Variants in AJAP1 observed in about 807,000 individuals in gnomAD.
AJAP1 encodes the protein adherens junction-associated protein 1.
AJAP1 carries 5 observed loss-of-function variants against 35.0 expected under a neutral mutation model. The ratio of observed to expected loss-of-function variants is 0.14; its 90% CI spans 0.07 to 0.30. The LOEUF is 0.30. Among genes scored for constraint, AJAP1 ranks in the 10% least tolerant of loss-of-function variants. The pLI, the probability that AJAP1 is intolerant of heterozygous loss-of-function variation, is 1.00. For missense variants in AJAP1, 586 were observed against 571.0 expected (o/e 1.03, Z -0.27); for synonymous variants, 284 against 249.3 (o/e 1.14, Z -1.31).
chr1:4,705,214 T>C (rs1640073750), intron 1 of AJAP1, among the ~76,000 whole-genome samples: 1 of 151,936 alleles, frequency 6.6e-6, no homozygotes, highest in South Asian at 2.1e-4. Context: ...ATCCCTTCCT[T>C]ACACCTTATA....
Position 4,655,365 on chromosome 1 carries a change from G to A in AJAP1, c.-61G>A, listed in dbSNP as rs1189220888. 14 of 1,478,162 alleles carry A rather than the reference G, an allele frequency of 9.5e-6. No individual in the cohort carries two copies. Among genetic ancestry groups the A allele is most frequent in the South Asian group, 1.3e-5 (1 of 78,106 alleles). 91.6% of individuals were successfully genotyped at this position (1,478,162 alleles called of 1,614,324 possible). A position where few individuals can be genotyped will look rare whatever the true frequency, so the allele number is the denominator to read the frequency against. ...CCGCGGGACGGAAGCGAGCGGGCGC[G>A]GGCGCCGCGCAGATGGCCTGGGCGA... On this transcript the variant is annotated 5_prime_UTR_variant, in exon 1 of 6. Transcript: ENST00000378191. The surrounding 1 kb of genome is among the most constrained non-coding windows in gnomAD (Gnocchi z 6.9).
Position 4,712,522 on chromosome 1 carries a change from G to GCCA in AJAP1, c.672_674dup (p.Thr225dup), listed in dbSNP as rs529940202. The stretch of plus-strand genomic sequence containing the variant: ...ACAAACACGGAAGACAACTGTGGCC[G>GCCA]CCACCACCACCACCACCACCACGGC... On this transcript the variant is annotated inframe_insertion, in exon 2 of 6. Transcript: ENST00000378191. 7,270 of 1,609,944 alleles carry GCCA rather than the reference G, an allele frequency of 4.5e-3. 20 individuals carry two copies. Among genetic ancestry groups the GCCA allele is most frequent in the Non-Finnish European group, 5.4e-3 (6,360 of 1,178,154 alleles).
intron 1 of AJAP1, among the ~76,000 whole-genome samples, chr1:4,697,021 ATGG>A (rs1285709193): frequency 6.6e-6 from 1 of 150,570 alleles, no homozygotes; most frequent in Non-Finnish European, 1.5e-5. Flanking sequence ...CTACGCACAC[ATGG>A]TGTGTGTGTG....
rs554493475 is a variant in AJAP1 at position 4,655,341 on chromosome 1, C to A, written c.-85C>A. 5.1e-3 allele frequency: 6,636 copies of A among 1,307,400 alleles called. 31 individuals are homozygous for A. The highest frequency in any genetic ancestry group is 6.2e-3 in the Non-Finnish European group (6,163 of 994,052). 81.0% of individuals were successfully genotyped at this position (1,307,400 alleles called of 1,614,324 possible). A position where few individuals can be genotyped will look rare whatever the true frequency, so the allele number is the denominator to read the frequency against. On this transcript the variant is annotated 5_prime_UTR_variant, in exon 1 of 6. Transcript: ENST00000378191. The surrounding 1 kb of genome is among the most constrained non-coding windows in gnomAD (Gnocchi z 6.9). The stretch of plus-strand genomic sequence containing the variant: ...CGGACCGAGAGCCGGAGACCGGCGC[C>A]GCGGGACGGAAGCGAGCGGGCGCGG...
intron 5 of AJAP1, chr1:4,777,621 A>G (rs1641964745): frequency 1.3e-5 from 2 of 152,374 alleles, no homozygotes; most frequent in South Asian, 2.1e-4. Context: ...TACAGCAGGT[A>G]CACTTCAGCA....
chr1:4,791,347 CAT>C lies in AJAP1; in HGVS notation c.*8863_*8864del, dbSNP rs1487211190. 1 of 152,210 alleles carries C rather than the reference CAT, an allele frequency of 6.6e-6. No homozygotes were observed. Among genetic ancestry groups the C allele is most frequent in the Non-Finnish European group, 1.5e-5 (1 of 68,038 alleles). The allele number at this position is 152,210 out of a possible 1,614,324, so 9.4% of individuals were successfully genotyped here. ...TTACATTATTTTCTCAAAAGGAACA[CAT>C]GTTTACTACAAACCATTTAGAAAAT... On this transcript the variant is annotated 3_prime_UTR_variant, in exon 6 of 6. Coordinates refer to ENST00000378191, the MANE Select transcript of AJAP1 (RefSeq NM_018836.4).
At chr1:4,706,579 T>G (rs914840206) in intron 1 of AJAP1, among the ~76,000 whole-genome samples, 3 of 152,138 alleles carry the variant, frequency 2.0e-5, no homozygotes, top group African/African-American at 7.2e-5. Context: ...ACCCTGAAGA[T>G]TCTGGGCTGT....
intron 5 of AJAP1, among the ~76,000 whole-genome samples, chr1:4,778,103 G>A (rs556322695): frequency 2.0e-5 from 3 of 152,020 alleles, no homozygotes; most frequent in Admixed American, 1.3e-4. Flanking sequence ...CACCCAGTGC[G>A]CCACTGCGTA....
chr1:4,701,181 C>G (rs553397879), intron 1 of AJAP1, among the ~76,000 whole-genome samples: 1 of 152,184 alleles, frequency 6.6e-6, no homozygotes, highest in Non-Finnish European at 1.5e-5. Flanking sequence ...CTCCAGAGCT[C>G]CTGGGGAAAG....
At chr1:4,691,609 C>G (rs543901686) in intron 1 of AJAP1, among the ~76,000 whole-genome samples, 1 of 152,236 alleles carries the variant, frequency 6.6e-6, no homozygotes, top group East Asian at 1.9e-4. Context: ...ACTCCGGGCT[C>G]GGGGAACACC....
At chr1:4,732,433 C>A (rs1640821527) in intron 2 of AJAP1, among the ~76,000 whole-genome samples, 1 of 152,288 alleles carries the variant, frequency 6.6e-6, no homozygotes, top group South Asian at 2.1e-4. Flanking sequence ...GACCTCCAAG[C>A]TACCCTGCCC....
At chr1:4,684,371 G>T (rs1305624437) in intron 1 of AJAP1, among the ~76,000 whole-genome samples, 1 of 152,162 alleles carries the variant, frequency 6.6e-6, no homozygotes, top group African/African-American at 2.4e-5. Flanking sequence ...CTAGGAAGCT[G>T]CACATCGGCC....
At chr1:4,701,489 C>A (rs1367881518) in intron 1 of AJAP1, among the ~76,000 whole-genome samples, 1 of 152,194 alleles carries the variant, frequency 6.6e-6, no homozygotes, top group Non-Finnish European at 1.5e-5. Context: ...GGAGATGAGA[C>A]CATCGTTCCT....
chr1:4,670,628 T>G (rs916586062), intron 1 of AJAP1, among the ~76,000 whole-genome samples: 2 of 152,214 alleles, frequency 1.3e-5, no homozygotes, highest in African/African-American at 4.8e-5. Flanking sequence ...GCTGGATCCC[T>G]GCAAACTGCC....
intron 1 of AJAP1, 81 bp from the exon 2 acceptor site, chr1:4,711,819 G>T (rs1393733510): frequency 8.9e-7 from 1 of 1,119,950 alleles, no homozygotes; most frequent in Non-Finnish European, 1.2e-6. Flanking sequence ...CACAGCGCGG[G>T]GTGGAGAGAG....
intron 1 of AJAP1, among the ~76,000 whole-genome samples, chr1:4,700,282 G>T (rs541205663): frequency 2.0e-5 from 3 of 152,130 alleles, no homozygotes; most frequent in African/African-American, 7.2e-5. Flanking sequence ...AGGTTTGAGG[G>T]AGGCCCTGGG....
chr1:4,757,519 A>G (rs1239516742), intron 2 of AJAP1, among the ~76,000 whole-genome samples: 2 of 152,228 alleles, frequency 1.3e-5, no homozygotes, highest in Non-Finnish European at 2.9e-5. Context: ...ACTGCAAAGC[A>G]TCCTGGCATG....
At chr1:4,704,799 C>A (rs1376350120) in intron 1 of AJAP1, among the ~76,000 whole-genome samples, 1 of 152,162 alleles carries the variant, frequency 6.6e-6, no homozygotes, top group Admixed American at 6.5e-5. Flanking sequence ...CCTATTTCTC[C>A]ACATCCTCTC....
intron 1 of AJAP1, among the ~76,000 whole-genome samples, chr1:4,707,825 GT>G (rs570382529): frequency 2.7e-4 from 41 of 151,974 alleles, no homozygotes; most frequent in African/African-American, 9.9e-4. Context: ...TTGCCAAACT[GT>G]TTTGCCCAGA....
Sources: gnomAD v4.1 joint callset for allele counts (sites outside exome capture counted in the v4.1 genomes callset) on GRCh38, gnomAD v4.1.1 for gene constraint, Gnocchi (gnomAD v3.1) non-coding constraint, MANE v1.5 for transcripts, NCBI Gene and HGNC (gene_info 2026-07-23, HGNC 2026-07-21) for gene names.